PTCD2: variants seen among roughly 807,000 people sequenced by gnomAD.
PTCD2 encodes pentatricopeptide repeat domain 2.
Under a neutral mutation model 42.6 loss-of-function variants are expected in PTCD2, and 31 were observed. The ratio of observed to expected loss-of-function variants is 0.73; its 90% CI spans 0.55 to 0.98. The LOEUF (loss-of-function observed/expected upper bound fraction) is 0.98. Among genes scored for constraint, PTCD2 ranks in the 50% least tolerant of loss-of-function variants. PTCD2 has a pLI of 0.00. For synonymous variants in PTCD2, 183 were observed against 170.9 expected (o/e 1.07, Z -0.55); for missense variants, 476 against 454.8 (o/e 1.05, Z -0.42).
chr5:72,367,864 C>G lies in PTCD2; in HGVS notation c.*9437C>G, dbSNP rs780072510. 1.3e-5 allele frequency: 2 copies of G among 152,264 alleles called. No individual in the cohort carries two copies. The highest frequency in any genetic ancestry group is 4.8e-5 in the African/African-American group (2 of 41,452). The allele number at this position is 152,264 out of a possible 1,614,324, so 9.4% of individuals were successfully genotyped here. Reference sequence around the variant, plus strand: ...AGTAAATAATCAGTAGCATGAAGCTCACTTCTGCAGGACCCACCATGACAA... The same window carrying G: ...AGTAAATAATCAGTAGCATGAAGCTGACTTCTGCAGGACCCACCATGACAA... On this transcript the variant is annotated 3_prime_UTR_variant, in exon 10 of 10. Coordinates refer to ENST00000380639, the MANE Select transcript of PTCD2 (RefSeq NM_024754.5).
At chr5:72,347,975 A>G (rs1405425547) in intron 8 of PTCD2, among the ~76,000 whole-genome samples, 1 of 152,176 alleles carries the variant, frequency 6.6e-6, no homozygotes, top group African/African-American at 2.4e-5. Context: ...CTGAGTATGA[A>G]TCATCCTCTC....
intron 4 of PTCD2, among the ~76,000 whole-genome samples, chr5:72,331,635 TGCTTTTTTAGGG>T (rs2112149014): frequency 6.6e-6 from 1 of 152,312 alleles, no homozygotes; most frequent in South Asian, 2.1e-4. Context: ...GTTGTACACC[TGCTTTTTTAGGG>T]GCTTTCAATA....
intron 3 of PTCD2, among the ~76,000 whole-genome samples, chr5:72,328,909 CA>C (rs1306949355): frequency 2.0e-5 from 3 of 152,112 alleles, no homozygotes; most frequent in Admixed American, 6.5e-5. Flanking sequence ...TTTTGGGGAT[CA>C]GGGGGTATGA....
rs1350682130 is a variant in PTCD2 at position 72,359,090 on chromosome 5, C to G, written c.*663C>G. On this transcript the variant is annotated 3_prime_UTR_variant, in exon 10 of 10. Transcript: ENST00000380639. Reference sequence around the variant, plus strand: ...CAGCACAAACAAAACCAGAATTTAGCCTTTAGGACTGCTGAGTAAGCCAAA... The same window carrying G: ...CAGCACAAACAAAACCAGAATTTAGGCTTTAGGACTGCTGAGTAAGCCAAA... 1 of 152,568 alleles carries G rather than the reference C, an allele frequency of 6.6e-6. No individual in the cohort carries two copies. The highest frequency in any genetic ancestry group is 1.5e-5 in the Non-Finnish European group (1 of 68,388). The allele number at this position is 152,568 out of a possible 1,614,324, so 9.5% of individuals were successfully genotyped here.
chr5:72,345,138 G>GC (rs1417732482), intron 8 of PTCD2, among the ~76,000 whole-genome samples: 2 of 152,146 alleles, frequency 1.3e-5, no homozygotes, highest in Non-Finnish European at 2.9e-5. Context: ...AAAGAAGGCT[G>GC]CCCCCTGAAG....
rs17377355 is a variant in PTCD2, at chr5:72,368,204, G to A, written c.*9777G>A. On this transcript the variant is annotated 3_prime_UTR_variant, in exon 10 of 10. Transcript: ENST00000380639. ...AAACACCTAGATAGATGCAGAGTGTGGGACAAAGACAACCAGCACATTGCT... is the reference window on the plus strand; with the variant it reads ...AAACACCTAGATAGATGCAGAGTGTAGGACAAAGACAACCAGCACATTGCT... 35,974 of 152,144 alleles carry A rather than the reference G, an allele frequency of 0.24. 5,525 individuals are homozygous for A. Among genetic ancestry groups the A allele is most frequent in the Non-Finnish European group, 0.34 (23,348 of 67,966 alleles). 9.4% of individuals were successfully genotyped at this position (152,144 alleles called of 1,614,324 possible).
intron 6 of PTCD2, 103 bp from the exon 7 acceptor site, chr5:72,338,519 T>C: frequency 2.0e-6 from 1 of 504,178 alleles, no homozygotes; most frequent in Non-Finnish European, 3.4e-6. Flanking sequence ...AGGGAGGCTC[T>C]AGGAAATCCT....
chr5:72,323,778 A>T (rs1034468486), intron 2 of PTCD2, among the ~76,000 whole-genome samples: 1 of 152,328 alleles, frequency 6.6e-6, no homozygotes, highest in African/African-American at 2.4e-5. Context: ...CTCCTGAGTA[A>T]CTAGGACTAC....
At chr5:72,325,157 A>G (rs1454473751) in intron 2 of PTCD2, among the ~76,000 whole-genome samples, 1 of 152,146 alleles carries the variant, frequency 6.6e-6, no homozygotes, top group Admixed American at 6.5e-5. Context: ...TACTGACCTC[A>G]AGTGATCCAC....
chr5:72,321,566 C>A (rs1337465062), intron 1 of PTCD2, among the ~76,000 whole-genome samples: 1 of 152,214 alleles, frequency 6.6e-6, no homozygotes, highest in Non-Finnish European at 1.5e-5. Context: ...ACGCTTGGTC[C>A]GTTTTATCTC....
rs2112147615 is a variant in PTCD2, at chr5:72,331,322, T to G, written c.415T>G (p.Leu139Val). The G allele has an allele frequency of 1.2e-6, 2 of 1,614,022 alleles. No homozygotes were observed. The highest frequency in any genetic ancestry group is 1.1e-5 in the South Asian group (1 of 91,076). ...TAAATTTGGACCGCTTTTTGTGAGG[T>G]TGTGTTACGAGTTGGATCTCGAGGA... ...EYKFGPLFVR[L>V]CYELDLEESA... is the part of the protein sequence containing the mutation. The change falls in exon 4 of 10, where the codon TTG (leucine) becomes GTG (valine). Residue 139 changes from leucine (L) to valine (V), a missense_variant. By Grantham distance (32) the Leu-to-Val change is conservative. Transcript: ENST00000380639.
chr5:72,338,743 CT>C lies in PTCD2; in HGVS notation c.753+10del. The C allele has an allele frequency of 1.3e-6, 2 of 1,518,304 alleles. No individual in the cohort carries two copies. Among genetic ancestry groups the C allele is most frequent in the Non-Finnish European group, 1.8e-6 (2 of 1,097,156 alleles). 94.1% of individuals were successfully genotyped at this position (1,518,304 alleles called of 1,614,324 possible). ...GCATTAGCTCTGAATCAGGTAAAGC[CT>C]TGTGGTGTACATAAGTAAATTGGGA... On this transcript the variant is annotated intron_variant, in intron 7 of 9. Transcript: ENST00000380639.
At position 72,326,680 on chromosome 5, in the gene PTCD2, ACC is replaced by A. The variant is rs1439269152; in HGVS notation, c.290_291del (p.Thr97IlefsTer6). The A allele has an allele frequency of 1.2e-6, 2 of 1,614,008 alleles. No individual in the cohort carries two copies. Among genetic ancestry groups the A allele is most frequent in the Admixed American group, 1.7e-5 (1 of 60,006 alleles). On this transcript the variant is annotated frameshift_variant, in exon 3 of 10. Coordinates refer to ENST00000380639, the MANE Select transcript of PTCD2 (RefSeq NM_024754.5). LOFTEE classifies it high-confidence loss of function. Reference sequence around the variant, plus strand: ...GCTCATCTTGAAGGGGGAGTTGATAACCTTACTACATTTGTGTGAGTCTCGGG... The same window carrying A: ...GCTCATCTTGAAGGGGGAGTTGATAATTACTACATTTGTGTGAGTCTCGGG... ...NKLILKGELI[T>X]LLHLCESRDH...
chr5:72,343,074 A>G lies in PTCD2; in HGVS notation c.828+38A>G, dbSNP rs1049518512. The G allele has an allele frequency of 4.5e-6, 5 of 1,108,706 alleles. No individual in the cohort carries two copies. The African/African-American group carries it at 4.8e-5, about 11-fold the overall frequency. 68.7% of individuals were successfully genotyped at this position (1,108,706 alleles called of 1,614,324 possible). Reference sequence around the variant, plus strand: ...TTTATGGTTTAAGGTAAGCCTTGAAATGTATTATAATAAATGTATTATAAT... The same window carrying G: ...TTTATGGTTTAAGGTAAGCCTTGAAGTGTATTATAATAAATGTATTATAAT... On this transcript the variant is annotated intron_variant, in intron 8 of 9. Coordinates refer to ENST00000380639, the MANE Select transcript of PTCD2 (RefSeq NM_024754.5).
intron 9 of PTCD2, among the ~76,000 whole-genome samples, chr5:72,354,262 G>C (rs1052907445): frequency 6.6e-6 from 1 of 151,608 alleles, no homozygotes; most frequent in Non-Finnish European, 1.5e-5. Context: ...TTAGCTGGGC[G>C]TGGTGGTGCA....
chr5:72,334,994 A>C, intron 4 of PTCD2, 24 bp from the exon 5 acceptor site: 1 of 1,483,820 alleles, frequency 6.7e-7, no homozygotes. Flanking sequence ...CTTTTAACCA[A>C]ACTGTATTGT....
At position 72,331,250 on chromosome 5, in the gene PTCD2, A is replaced by T. The variant is rs1183833362; in HGVS notation, c.351-8A>T. On this transcript the variant is annotated splice_polypyrimidine_tract_variant and splice_region_variant and intron_variant, in intron 3 of 9. Coordinates refer to ENST00000380639, the MANE Select transcript of PTCD2 (RefSeq NM_024754.5). The stretch of plus-strand genomic sequence containing the variant: ...CCTTTTGGCTCATTGAATCATTTTC[A>T]TTACCAGGTACCATGCAGAGAACAA... 38 of 1,575,872 alleles carry T rather than the reference A, an allele frequency of 2.4e-5. No homozygotes were observed. The highest frequency in any genetic ancestry group is 3.3e-5 in the Non-Finnish European group (38 of 1,145,308).
intron 7 of PTCD2, 38 bp downstream of exon 7, chr5:72,338,773 GC>G: frequency 8.8e-7 from 1 of 1,136,934 alleles, no homozygotes; most frequent in Non-Finnish European, 1.3e-6. Context: ...ATTGGGAGTG[GC>G]CAGGACTTCA....
intron 8 of PTCD2, among the ~76,000 whole-genome samples, chr5:72,349,524 TAAAAG>T (rs1752516396): frequency 6.6e-6 from 1 of 152,048 alleles, no homozygotes; most frequent in Non-Finnish European, 1.5e-5. Flanking sequence ...AAAACAAAAA[TAAAAG>T]AAACAAGAAA....
Sources: gnomAD v4.1 joint callset for allele counts (sites outside exome capture counted in the v4.1 genomes callset) on GRCh38, gnomAD v4.1.1 for gene constraint, MANE v1.5 for transcripts, NCBI Gene and HGNC (gene_info 2026-07-23, HGNC 2026-07-21) for gene names.